HCN1: variants seen among roughly 807,000 people sequenced by gnomAD.
HCN1 encodes potassium/sodium hyperpolarization-activated cyclic nucleotide-gated channel 1.
In HCN1, 13 loss-of-function variants were observed where a neutral mutation model predicts 78.9. The observed-to-expected ratio is 0.16, with a 90% CI of 0.11 to 0.26. The LOEUF is 0.26. Among genes scored for constraint, HCN1 ranks in the 10% least tolerant of loss-of-function variants. HCN1 has a pLI of 1.00. For missense variants in HCN1, 810 were observed against 1,154.3 expected, an observed-to-expected ratio of 0.70 and a Z score of 4.32; for synonymous variants, 552 against 455.5, an observed-to-expected ratio of 1.21 and a Z score of -2.70.
intron 2 of HCN1, among the ~76,000 whole-genome samples, chr5:45,474,176 T>G (rs552241050): frequency 3.3e-5 from 5 of 151,968 alleles, no homozygotes; most frequent in African/African-American, 1.2e-4. Context: ...TGACCTTTAA[T>G]GAAGCAAAAT....
chr5:45,258,459 C>A lies in HCN1; in HGVS notation c.*3462G>T, dbSNP rs1351512348. On this transcript the variant is annotated 3_prime_UTR_variant, in exon 8 of 8. Coordinates refer to ENST00000303230, the MANE Select transcript of HCN1 (RefSeq NM_021072.4). ...AATTGTTCACTTATGAAGAGGTCATCCAGACCTGGAGACAAGCTACTTTTT... is the reference window on the plus strand; with the variant it reads ...AATTGTTCACTTATGAAGAGGTCATACAGACCTGGAGACAAGCTACTTTTT... 1 of 152,110 alleles carries A rather than the reference C, an allele frequency of 6.6e-6. No homozygotes were observed. The allele number at this position is 152,110 out of a possible 1,614,324, so 9.4% of individuals were successfully genotyped here.
intron 2 of HCN1, among the ~76,000 whole-genome samples, chr5:45,522,236 C>T (rs1487039288): frequency 1.3e-5 from 2 of 151,772 alleles, no homozygotes; most frequent in Non-Finnish European, 2.9e-5. Context: ...CTGTTATTAC[C>T]GTCAGCTTCA....
intron 4 of HCN1, among the ~76,000 whole-genome samples, chr5:45,390,896 A>C (rs896566293): frequency 1.8e-4 from 28 of 151,848 alleles, no homozygotes; most frequent in African/African-American, 6.8e-4. Context: ...TTTGCTAGCA[A>C]CTCCAATGGC....
intron 2 of HCN1, among the ~76,000 whole-genome samples, chr5:45,635,004 G>T (rs1745332965): frequency 6.6e-6 from 1 of 152,040 alleles, no homozygotes. Flanking sequence ...GGTAGTTATA[G>T]TTCCTGGATT....
chr5:45,444,782 T>C (rs1222600365), intron 3 of HCN1, among the ~76,000 whole-genome samples: 1 of 151,748 alleles, frequency 6.6e-6, no homozygotes, highest in Admixed American at 6.5e-5. Flanking sequence ...ATTCTTTTCT[T>C]TTTTTCTTTT....
chr5:45,338,981 A>G (rs1422769987), intron 5 of HCN1, among the ~76,000 whole-genome samples: 1 of 152,120 alleles, frequency 6.6e-6, no homozygotes, highest in Non-Finnish European at 1.5e-5. Flanking sequence ...TGTGATTCTG[A>G]TATTAGAAAA....
intron 2 of HCN1, among the ~76,000 whole-genome samples, chr5:45,465,213 T>C (rs1741243267): frequency 6.6e-6 from 1 of 152,090 alleles, no homozygotes; most frequent in Non-Finnish European, 1.5e-5. Context: ...AATAACCTTT[T>C]ATGGTGTACC....
At chr5:45,514,182 A>G (rs1241284911) in intron 2 of HCN1, among the ~76,000 whole-genome samples, 1 of 152,112 alleles carries the variant, frequency 6.6e-6, no homozygotes, top group Non-Finnish European at 1.5e-5. Context: ...AGCCATAACA[A>G]TTTATATATC....
At position 45,686,939 on chromosome 5, in the gene HCN1, C is replaced by A. The variant is rs1453586545; in HGVS notation, c.425+8730G>T. Among the ~76,000 whole-genome samples, 83 of 152,220 alleles carry A rather than the reference C, an allele frequency of 5.5e-4. 1 individual carries two copies. The highest frequency in any genetic ancestry group is 9.7e-4 in the East Asian group (5 of 5,168). On this transcript the variant is annotated intron_variant, in intron 1 of 7. Coordinates refer to ENST00000303230, the MANE Select transcript of HCN1 (RefSeq NM_021072.4). ...GTCTTCATGTTGTTTGGTGTAATTT[C>A]TTGTTTTGCAGGAACATGTCATCTA...
At chr5:45,305,147 T>C (rs1745700917) in intron 5 of HCN1, among the ~76,000 whole-genome samples, 1 of 152,142 alleles carries the variant, frequency 6.6e-6, no homozygotes, top group Admixed American at 6.5e-5. Context: ...TCATAGGTAT[T>C]AACAGAGTCT....
chr5:45,563,257 C>T (rs1458345583), intron 2 of HCN1, among the ~76,000 whole-genome samples: 1 of 151,994 alleles, frequency 6.6e-6, no homozygotes, highest in Non-Finnish European at 1.5e-5. Flanking sequence ...CAAGACCAGC[C>T]TGGCCAACAT....
intron 2 of HCN1, among the ~76,000 whole-genome samples, chr5:45,467,707 A>G (rs1364328719): frequency 2.0e-5 from 3 of 152,062 alleles, no homozygotes; most frequent in Non-Finnish European, 4.4e-5. Context: ...GCCCATGACT[A>G]TCTTCTTCAG....
intron 2 of HCN1, among the ~76,000 whole-genome samples, chr5:45,606,480 A>C (rs531574805): frequency 1.3e-5 from 2 of 152,152 alleles, no homozygotes; most frequent in South Asian, 2.1e-4. Context: ...TTTTGAAAGG[A>C]GTATTTATCC....
At chr5:45,437,515 C>T (rs1288011702) in intron 3 of HCN1, among the ~76,000 whole-genome samples, 1 of 152,114 alleles carries the variant, frequency 6.6e-6, no homozygotes, top group African/African-American at 2.4e-5. Context: ...TTTTTCTAGT[C>T]TCATCCATTC....
intron 4 of HCN1, among the ~76,000 whole-genome samples, chr5:45,366,635 C>G (rs1378301654): frequency 6.6e-6 from 1 of 151,666 alleles, no homozygotes; most frequent in African/African-American, 2.4e-5. Context: ...AACTGAATAT[C>G]TGAGGATATG....
chr5:45,498,765 T>C (rs572235882), intron 2 of HCN1, among the ~76,000 whole-genome samples: 1 of 152,282 alleles, frequency 6.6e-6, no homozygotes, highest in South Asian at 2.1e-4. Flanking sequence ...GTTTTTGGTG[T>C]GGATGTCCTT....
intron 3 of HCN1, among the ~76,000 whole-genome samples, chr5:45,404,269 A>G (rs1385003652): frequency 6.6e-6 from 1 of 152,090 alleles, no homozygotes; most frequent in Non-Finnish European, 1.5e-5. Context: ...CGAATGGGAG[A>G]CTGTATACTC....
At chr5:45,585,945 G>A (rs910619674) in intron 2 of HCN1, among the ~76,000 whole-genome samples, 3 of 152,160 alleles carry the variant, frequency 2.0e-5, no homozygotes, top group African/African-American at 7.2e-5. Context: ...ACTGGTGGGT[G>A]CCTCCCAGTT....
intron 5 of HCN1, among the ~76,000 whole-genome samples, chr5:45,329,189 T>A (rs931662113): frequency 2.0e-5 from 3 of 151,398 alleles, no homozygotes; most frequent in African/African-American, 7.3e-5. Flanking sequence ...CTATGTAATA[T>A]CCTCACTATC....
Sources: gnomAD v4.1 joint callset for allele counts (sites outside exome capture counted in the v4.1 genomes callset) on GRCh38, gnomAD v4.1.1 for gene constraint, MANE v1.5 for transcripts, NCBI Gene and HGNC (gene_info 2026-07-23, HGNC 2026-07-21) for gene names.